The following TCAF2 variants were observed in gnomAD, a reference collection of about 807,000 sequenced individuals.
TCAF2 encodes the protein TRPM8 channel-associated factor 2.
TCAF2 carries 6 observed loss-of-function variants against 33.9 expected under a neutral mutation model. The observed-to-expected ratio is 0.18, with a 90% CI of 0.10 to 0.35. TCAF2 has a LOEUF of 0.35. Ranked by LOEUF, TCAF2 falls within the 10% of genes least tolerant of loss-of-function variation. The pLI is 1.00. For synonymous variants in TCAF2, 41 were observed against 247.8 expected (o/e 0.17, Z 7.84); for missense variants, 109 against 604.0 (o/e 0.18, Z 8.59).
In TCAF2 at chr7:143,724,653, C is replaced by G; in HGVS notation, c.2461C>G (p.Leu821Val). The G allele has an allele frequency of 6.2e-7, 1 of 1,609,630 alleles. No homozygotes were observed. Among genetic ancestry groups the G allele is most frequent in the South Asian group, 1.1e-5 (1 of 90,810 alleles). The change falls in exon 7 of 8, where the codon CTG (leucine) becomes GTG (valine). Residue 821 changes from leucine (L) to valine (V), a missense_variant. Coordinates refer to ENST00000684770, the MANE Select transcript of TCAF2 (RefSeq NM_001363538.2). ...GGCCCACCTGGGAAAGGGAGCCCCCCTGTGTGACTGGAATGTATGGACAGC... is the reference window on the plus strand; with the variant it reads ...GGCCCACCTGGGAAAGGGAGCCCCCGTGTGTGACTGGAATGTATGGACAGC... ...IKAHLGKGAP[L>V]CDWNVWTALE...
Position 143,724,536 on chromosome 7 carries a change from T to C in TCAF2, c.2344T>C (p.Trp782Arg). 1 of 1,610,848 alleles carries C rather than the reference T, an allele frequency of 6.2e-7. No homozygotes were observed. The highest frequency in any genetic ancestry group is 1.1e-5 in the South Asian group (1 of 90,914). Reference sequence around the variant, plus strand: ...CACTACTGAGGCCACCTGTAACCTTTGGTCAGTCTACGTGCATGAAACAGT... The same window carrying C: ...CACTACTGAGGCCACCTGTAACCTTCGGTCAGTCTACGTGCATGAAACAGT... ...PHTTEATCNL[W>R]SVYVHETVLG... Residue 782 changes from tryptophan to arginine, a missense_variant, in exon 7 of 8, where the codon TGG (tryptophan) becomes CGG (arginine). Physicochemically the swap from Trp to Arg is moderately radical, Grantham distance 101. Coordinates refer to ENST00000684770, the MANE Select transcript of TCAF2 (RefSeq NM_001363538.2).
chr7:143,648,234 A>G (rs1467306250), intron 1 of TCAF2, among the ~76,000 whole-genome samples: 12 of 101,966 alleles, frequency 1.2e-4, no homozygotes, highest in Non-Finnish European at 2.6e-4. Flanking sequence ...TCTTAGTGAT[A>G]CATAAAATAA....
chr7:143,635,139 A>G (rs1222212346), intron 1 of TCAF2, among the ~76,000 whole-genome samples: 1 of 50,948 alleles, frequency 2.0e-5, no homozygotes, highest in Non-Finnish European at 4.0e-5. Flanking sequence ...AGCTAAGTGA[A>G]GATGTATTTG....
intron 2 of TCAF2, among the ~76,000 whole-genome samples, chr7:143,719,393 T>A: frequency 2.0e-5 from 1 of 48,826 alleles, no homozygotes; most frequent in Non-Finnish European, 4.6e-5. Flanking sequence ...AGAGCGAAAC[T>A]CCATCTCAAA....
At chr7:143,647,781 T>C in intron 1 of TCAF2, 2 of 401,386 alleles carry the variant, frequency 5.0e-6, no homozygotes, top group East Asian at 9.1e-5. Flanking sequence ...TTACTAATAT[T>C]AGGATTTTAG....
At position 143,624,924 on chromosome 7, in the gene TCAF2, T is replaced by A. The variant is rs1409699106; in HGVS notation, c.-12+3904T>A. Among the ~76,000 whole-genome samples the A allele has an allele frequency of 5.9e-5, 3 of 51,100 alleles. 1 individual carries two copies. The highest frequency in any genetic ancestry group is 1.6e-4 in the African/African-American group (3 of 18,530). The allele number at this position is 51,100 out of a possible 152,430, so 33.5% of individuals were successfully genotyped here. ...AACAGGAAGGCTGATGGAGGCTATT[T>A]TATTTAAGATGTTCAGGGAAGTCCT... is the stretch of plus-strand genomic sequence containing the variant. On this transcript the variant is annotated intron_variant, in intron 1 of 7. Transcript: ENST00000684770.
rs1323299771 is a variant in TCAF2, at chr7:143,729,958, C to CA, written c.*2292dup. 6.6e-6 allele frequency: 1 copy of CA among 152,102 alleles called. No homozygotes were observed. The highest frequency in any genetic ancestry group is 1.5e-5 in the Non-Finnish European group (1 of 68,014). 9.4% of individuals were successfully genotyped at this position (152,102 alleles called of 1,614,324 possible). ...ATGAACTCATTCTTTTTCATGGCTG[C>CA]ATGGTATTCAATGGTATATATGCCA... On this transcript the variant is annotated 3_prime_UTR_variant, in exon 8 of 8. Transcript: ENST00000684770.
At chr7:143,647,958 C>CA (rs1809094543) in intron 1 of TCAF2, among the ~76,000 whole-genome samples, 1 of 130,300 alleles carries the variant, frequency 7.7e-6, no homozygotes, top group Admixed American at 8.3e-5. Context: ...TTCGCTCTGT[C>CA]GCCAGGCTAG....
chr7:143,719,642 TTAAC>T (rs1205907492), intron 2 of TCAF2, 37 bp from the exon 3 acceptor site: 1 of 601,672 alleles, frequency 1.7e-6, no homozygotes, highest in Admixed American at 3.0e-5. Flanking sequence ...CAGTGGCTCA[TTAAC>T]TGACTGTAGC....
At chr7:143,637,733 T>TCTA (rs1268028972) in intron 1 of TCAF2, among the ~76,000 whole-genome samples, 1 of 25,984 alleles carries the variant, frequency 3.8e-5, no homozygotes, top group African/African-American at 1.1e-4. Context: ...GTCCTTTCTC[T>TCTA]CTATCTCACA....
Position 143,724,487 on chromosome 7 carries a change from G to A in TCAF2, c.2295G>A (p.Arg765=), listed in dbSNP as rs377650596. 2.5e-5 allele frequency: 40 copies of A among 1,611,162 alleles called. 1 individual carries two copies. The highest frequency in any genetic ancestry group is 3.3e-5 in the Admixed American group (2 of 59,956). Residue 765 remains arginine (R), a synonymous_variant, in exon 7 of 8, where the codon CGG becomes CGA. Transcript: ENST00000684770. ...PIHELGHNQQ[R]HGWEFPPHTT... The stretch of plus-strand genomic sequence containing the variant: ...ATGAGCTGGGCCACAACCAACAGCG[G>A]CATGGATGGGAGTTCCCCCCACACA...
Sources: allele counts gnomAD v4.1 joint callset (sites outside exome capture counted in the v4.1 genomes callset), GRCh38; gene constraint gnomAD v4.1.1; transcripts MANE v1.5; gene names NCBI Gene and HGNC (gene_info 2026-07-23, HGNC 2026-07-21).